PRDM11: variants seen among roughly 807,000 people sequenced by gnomAD.
PRDM11 encodes the protein PR/SET domain 11.
In PRDM11, 20 loss-of-function variants were observed where a neutral mutation model predicts 97.8. That is an observed-to-expected ratio of 0.20 (90% CI 0.14 to 0.30). The LOEUF (loss-of-function observed/expected upper bound fraction) is 0.30, where lower values mean the gene tolerates loss of function less well. PRDM11 is among the 10% of genes least tolerant of loss of function. PRDM11 has a pLI of 1.00. For synonymous variants in PRDM11, 599 were observed against 637.7 expected (o/e 0.94, Z 0.91); for missense variants, 1,139 against 1,555.2 (o/e 0.73, Z 4.50).
intron 1 of PRDM11, among the ~76,000 whole-genome samples, chr11:45,101,243 G>C (rs1851969760): frequency 6.6e-6 from 1 of 152,126 alleles, no homozygotes; most frequent in African/African-American, 2.4e-5. Flanking sequence ...CCTCAGACCT[G>C]GGAGGTCTCC....
At chr11:45,181,440 C>A (rs886714215) in intron 1 of PRDM11, among the ~76,000 whole-genome samples, 5 of 152,216 alleles carry the variant, frequency 3.3e-5, no homozygotes, top group Non-Finnish European at 7.3e-5. Context: ...CATGTGGGAT[C>A]CTCCTGCCCT....
chr11:45,226,750 C>T lies in PRDM11; in HGVS notation c.2125C>T (p.Leu709Phe), dbSNP rs2135857975. 6.5e-7 allele frequency: 1 copy of T among 1,533,998 alleles called. No individual in the cohort carries two copies. The highest frequency in any genetic ancestry group is 8.7e-7 in the Non-Finnish European group (1 of 1,146,734). Residue 709 changes from leucine to phenylalanine, a missense_variant, in exon 8 of 8, where the codon CTT (leucine) becomes TTT (phenylalanine). By Grantham distance (22) the Leu-to-Phe change is conservative (BLOSUM62 0). Coordinates refer to ENST00000683152, the MANE Select transcript of PRDM11 (RefSeq NM_001384648.1). Reference protein sequence around the residue: ...FSSTESYLQALDRAFSALGIR... With the variant: ...FSSTESYLQAFDRAFSALGIR... ...TAGCACAGAAAGCTATCTCCAGGCA[C>T]TTGACCGGGCCTTCTCGGCCTTGGG... is the stretch of plus-strand genomic sequence containing the variant.
At chr11:45,182,657 A>G (rs1852552376) in intron 3 of PRDM11, among the ~76,000 whole-genome samples, 1 of 152,168 alleles carries the variant, frequency 6.6e-6, no homozygotes, top group African/African-American at 2.4e-5. Context: ...AAAACTTGAG[A>G]CAAAGGTAGC....
chr11:45,186,481 T>C (rs1198263429), intron 4 of PRDM11, among the ~76,000 whole-genome samples: 1 of 151,946 alleles, frequency 6.6e-6, no homozygotes, highest in East Asian at 1.9e-4. Context: ...ACAGAAAAGG[T>C]GCTTGGGGAG....
Position 45,230,690 on chromosome 11 carries a change from T to G in PRDM11, c.*2531T>G, listed in dbSNP as rs905242480. The G allele has an allele frequency of 1.1e-4, 17 of 152,254 alleles. No homozygotes were observed. Among genetic ancestry groups the G allele is most frequent in the African/African-American group, 2.2e-4 (9 of 41,454 alleles). 9.4% of individuals were successfully genotyped at this position (152,254 alleles called of 1,614,324 possible). On this transcript the variant is annotated 3_prime_UTR_variant, in exon 8 of 8. Transcript: ENST00000683152. The stretch of plus-strand genomic sequence containing the variant: ...GGCAGAAACAGTAGGTTGAGATCCT[T>G]TCTTCTAGCCAACAGTTGCCTTACA...
At chr11:45,205,655 G>T (rs1382937535) in intron 5 of PRDM11, among the ~76,000 whole-genome samples, 1 of 152,202 alleles carries the variant, frequency 6.6e-6, no homozygotes, top group Non-Finnish European at 1.5e-5. Flanking sequence ...AGGCCTTGAG[G>T]CTGATGGTGG....
At position 45,219,644 on chromosome 11, in the gene PRDM11, G is replaced by A. The variant is rs768943386; in HGVS notation, c.629G>A (p.Arg210Gln). ...AFQHSERIYF[R>Q]ACRDIRPGEW... ...CAGCACAGTGAGCGCATCTACTTCCGGGCGTGCAGGGACATCCGGCCTGGG... is the reference window on the plus strand; with the variant it reads ...CAGCACAGTGAGCGCATCTACTTCCAGGCGTGCAGGGACATCCGGCCTGGG... Residue 210 changes from arginine (R) to glutamine (Q), a missense_variant, in exon 6 of 8, where the codon CGG becomes CAG. Coordinates refer to ENST00000683152, the MANE Select transcript of PRDM11 (RefSeq NM_001384648.1). The surrounding 1 kb of genome is among the most constrained non-coding windows in gnomAD (Gnocchi z 4.2). 22 of 1,613,994 alleles carry A rather than the reference G, an allele frequency of 1.4e-5. No homozygotes were observed. The highest frequency in any genetic ancestry group is 2.7e-5 in the African/African-American group (2 of 74,900).
At chr11:45,132,138 AT>A (rs1226044832) in intron 1 of PRDM11, among the ~76,000 whole-genome samples, 1 of 152,228 alleles carries the variant, frequency 6.6e-6, no homozygotes, top group East Asian at 1.9e-4. Context: ...GAAAAGGGAA[AT>A]GGGATCACTG....
At chr11:45,129,573 A>C (rs1341692656) in intron 1 of PRDM11, among the ~76,000 whole-genome samples, 1 of 152,200 alleles carries the variant, frequency 6.6e-6, no homozygotes, top group Non-Finnish European at 1.5e-5. Flanking sequence ...GAATACATAC[A>C]ATGAAAAATT....
rs1854207437 is a variant in PRDM11 at position 45,224,387 on chromosome 11, T to C, written c.913T>C (p.Phe305Leu). Residue 305 changes from phenylalanine (F) to leucine (L), a missense_variant, in exon 7 of 8, where the codon TTC (phenylalanine) becomes CTC (leucine). Phe to Leu is a conservative substitution (Grantham distance 22). Around this residue, in one of 2 missense-constraint regions of PRDM11, gnomAD observed 429 missense variants for 510.3 expected, o/e 0.84. Transcript: ENST00000683152. ...QAKKKKIDLI[F>L]KDVLEASLES... ...TAAGAAGAAGAAAATTGACCTGATT[T>C]TCAAGGATGTTCTGGAGGCCTCACT... 6.2e-7 allele frequency: 1 copy of C among 1,614,184 alleles called. No homozygotes were observed. Among genetic ancestry groups the C allele is most frequent in the Non-Finnish European group, 8.5e-7 (1 of 1,180,020 alleles).
At chr11:45,145,624 G>A (rs1300900242), upstream of PRDM11, among the ~76,000 whole-genome samples, 1 of 152,172 alleles carries the variant, frequency 6.6e-6, no homozygotes, top group African/African-American at 2.4e-5. Context: ...GGGGTTTACT[G>A]CCCCAATTTT....
intron 1 of PRDM11, among the ~76,000 whole-genome samples, chr11:45,121,331 A>C (rs923775683): frequency 6.6e-6 from 1 of 152,194 alleles, no homozygotes; most frequent in Admixed American, 6.5e-5. Context: ...ATATTGCTGG[A>C]AACCATTAAC....
intron 1 of PRDM11, among the ~76,000 whole-genome samples, chr11:45,110,418 A>AT (rs900417983): frequency 6.6e-6 from 1 of 152,132 alleles, no homozygotes; most frequent in African/African-American, 2.4e-5. Context: ...TAGCATTACA[A>AT]TTTTTCTAAA....
chr11:45,178,889 A>C (rs1413683931), intron 1 of PRDM11, among the ~76,000 whole-genome samples: 1 of 152,126 alleles, frequency 6.6e-6, no homozygotes, highest in Non-Finnish European at 1.5e-5. Flanking sequence ...GTCCTCGGGG[A>C]GCTTACAGTC....
intron 5 of PRDM11, chr11:45,213,277 ATGCT>A (rs1472924347): frequency 2.2e-6 from 1 of 456,406 alleles, no homozygotes; most frequent in African/African-American, 2.0e-5. Context: ...CACCTGCTTG[ATGCT>A]TGCTTGGCCT....
At chr11:45,188,769 C>T (rs547528814) in intron 4 of PRDM11, among the ~76,000 whole-genome samples, 1 of 152,364 alleles carries the variant, frequency 6.6e-6, no homozygotes, top group South Asian at 2.1e-4. Flanking sequence ...GCCAAGATCA[C>T]CCAGGCTACC....
intron 1 of PRDM11, among the ~76,000 whole-genome samples, chr11:45,162,774 C>T (rs1163904212): frequency 6.6e-6 from 1 of 152,142 alleles, no homozygotes; most frequent in Non-Finnish European, 1.5e-5. Context: ...CTCTGATGGT[C>T]GGGGGATCAT....
intron 1 of PRDM11, among the ~76,000 whole-genome samples, chr11:45,168,614 C>T (rs1312443417): frequency 2.0e-5 from 3 of 152,094 alleles, no homozygotes; most frequent in Non-Finnish European, 4.4e-5. Flanking sequence ...TCAGCTCTAC[C>T]CAGGTTGGAA....
intron 1 of PRDM11, among the ~76,000 whole-genome samples, chr11:45,138,444 T>C (rs1852924277): frequency 6.6e-6 from 1 of 152,196 alleles, no homozygotes; most frequent in East Asian, 1.9e-4. Flanking sequence ...GGCATGTGCC[T>C]GTAGTCCCAG....
Sources: allele counts gnomAD v4.1 joint callset (sites outside exome capture counted in the v4.1 genomes callset), GRCh38; gene constraint gnomAD v4.1.1; regional missense constraint gnomAD v4.1.1; non-coding constraint Gnocchi (gnomAD v3.1); transcripts MANE v1.5; gene names NCBI Gene and HGNC (gene_info 2026-07-23, HGNC 2026-07-21).